Variants in DDAH1 observed in about 807,000 individuals in gnomAD.
DDAH1 encodes the protein dimethylarginine dimethylaminohydrolase 1, also known as N(G),N(G)-dimethylarginine dimethylaminohydrolase 1.
A neutral mutation model predicts 28.8 loss-of-function variants in DDAH1; 19 were observed. The ratio of observed to expected loss-of-function variants is 0.66; its 90% CI spans 0.46 to 0.97. The LOEUF is 0.97. DDAH1 is among the 50% of genes least tolerant of loss of function. The probability of loss-of-function intolerance (pLI) is 0.00; values close to 1 mark genes in which losing one functional copy is unlikely to be tolerated. For synonymous variants in DDAH1, 153 were observed against 154.4 expected (o/e 0.99, Z 0.07); for missense variants, 326 against 375.9 (o/e 0.87, Z 1.10).
chr1:85,505,800 T>C (rs1656993851), intron 1 of DDAH1, among the ~76,000 whole-genome samples: 1 of 152,226 alleles, frequency 6.6e-6, no homozygotes, highest in Non-Finnish European at 1.5e-5. Flanking sequence ...AATAGACAAA[T>C]GATCTCAAAA....
At chr1:85,365,865 A>G (rs1162590299) in intron 1 of DDAH1, among the ~76,000 whole-genome samples, 1 of 152,162 alleles carries the variant, frequency 6.6e-6, no homozygotes, top group Non-Finnish European at 1.5e-5. Context: ...GAAATTTTGC[A>G]GGTGTAAAGT....
chr1:85,520,508 A>G (rs1657646172), intron 1 of DDAH1, among the ~76,000 whole-genome samples: 1 of 152,252 alleles, frequency 6.6e-6, no homozygotes. Context: ...CAAAATATGT[A>G]CATGAAATGT....
At chr1:85,381,855 C>T (rs1475135179) in intron 1 of DDAH1, among the ~76,000 whole-genome samples, 1 of 152,130 alleles carries the variant, frequency 6.6e-6, no homozygotes, top group African/African-American at 2.4e-5. Flanking sequence ...TTCAAACTTA[C>T]TACGTCCACA....
chr1:85,368,489 T>C (rs759535651), intron 1 of DDAH1, among the ~76,000 whole-genome samples: 18 of 152,198 alleles, frequency 1.2e-4, no homozygotes, highest in South Asian at 4.1e-4. Context: ...TTTAGCTTTC[T>C]AAATGAAAAA....
chr1:85,437,816 G>A (rs1309654301), intron 1 of DDAH1, among the ~76,000 whole-genome samples: 4 of 152,088 alleles, frequency 2.6e-5, no homozygotes, highest in Non-Finnish European at 5.9e-5. Flanking sequence ...TTAATGTTAG[G>A]ACTTCTATTT....
intron 1 of DDAH1, among the ~76,000 whole-genome samples, chr1:85,362,227 T>A (rs1649834246): frequency 6.6e-6 from 1 of 151,998 alleles, no homozygotes; most frequent in Non-Finnish European, 1.5e-5. Context: ...TCCTGGAAGC[T>A]GTCAAGACAT....
At chr1:85,576,657 C>A (rs1659614365) in intron 1 of DDAH1, 1 of 152,378 alleles carries the variant, frequency 6.6e-6, no homozygotes, top group Admixed American at 6.5e-5. Context: ...CCGGACGCAC[C>A]CTCTACGTCT....
At chr1:85,527,616 G>A (rs1288718034) in intron 1 of DDAH1, among the ~76,000 whole-genome samples, 22 of 152,142 alleles carry the variant, frequency 1.4e-4, no homozygotes, top group African/African-American at 5.3e-4. Context: ...GCATCACACA[G>A]ACTGTCTACT....
At chr1:85,448,898 A>G (rs551678040) in intron 1 of DDAH1, among the ~76,000 whole-genome samples, 4 of 152,226 alleles carry the variant, frequency 2.6e-5, no homozygotes, top group Non-Finnish European at 5.9e-5. Context: ...TCCAAGAACA[A>G]GTTTGTTAAA....
At chr1:85,407,465 C>T (rs530908593) in intron 1 of DDAH1, among the ~76,000 whole-genome samples, 10 of 152,184 alleles carry the variant, frequency 6.6e-5, no homozygotes, top group Non-Finnish European at 1.5e-4. Flanking sequence ...GAAAGTTAAA[C>T]TTGCAGCTTT....
At chr1:85,377,717 C>T (rs1262830195) in intron 1 of DDAH1, among the ~76,000 whole-genome samples, 2 of 150,972 alleles carry the variant, frequency 1.3e-5, no homozygotes, top group African/African-American at 4.9e-5. Context: ...CTCATCCCCC[C>T]ACCCCCATAC....
intron 1 of DDAH1, among the ~76,000 whole-genome samples, chr1:85,512,677 A>G (rs1657289946): frequency 6.6e-6 from 1 of 152,222 alleles, no homozygotes; most frequent in African/African-American, 2.4e-5. Flanking sequence ...TCAATGTGCA[A>G]AAATCACAAG....
intron 1 of DDAH1, chr1:85,404,535 T>G (rs1021619125): frequency 4.4e-6 from 6 of 1,372,746 alleles, no homozygotes; most frequent in Non-Finnish European, 4.7e-6. Flanking sequence ...TAACACTAAC[T>G]GCAGCTCCAG....
In DDAH1 at chr1:85,456,827, A is replaced by G. The variant is rs1654902824; in HGVS notation, c.303+7916T>C. Among the ~76,000 whole-genome samples, 4 of 152,222 alleles carry G rather than the reference A, an allele frequency of 2.6e-5. No homozygotes were observed. In the South Asian group the frequency reaches 8.3e-4, roughly 32 times the overall value. On this transcript the variant is annotated intron_variant, in intron 1 of 5. Transcript: ENST00000284031. Reference sequence around the variant, plus strand: ...AGGGGGAAAACCCCCAGCAAAGAATATACTGATAACTTACAGGACCCCCCC... The same window carrying G: ...AGGGGGAAAACCCCCAGCAAAGAATGTACTGATAACTTACAGGACCCCCCC...
intron 2 of DDAH1, chr1:85,493,311 A>G (rs1317348922): frequency 6.6e-6 from 1 of 152,158 alleles, no homozygotes; most frequent in Non-Finnish European, 1.5e-5. Flanking sequence ...TGAATAAATG[A>G]CTTAAAGTTA....
intron 1 of DDAH1, chr1:85,400,065 T>C (rs1651994272): frequency 1.3e-5 from 2 of 152,278 alleles, no homozygotes; most frequent in East Asian, 1.9e-4. Flanking sequence ...TCCCAGCCAA[T>C]TGTTTAGCAA....
intron 1 of DDAH1, among the ~76,000 whole-genome samples, chr1:85,367,094 G>A (rs1650116276): frequency 6.6e-6 from 1 of 152,058 alleles, no homozygotes; most frequent in Non-Finnish European, 1.5e-5. Flanking sequence ...CAACCCTAGA[G>A]CCCTGGAGTT....
chr1:85,351,716 C>A (rs930860748), intron 2 of DDAH1, 137 bp from the exon 3 acceptor site: 15 of 622,674 alleles, frequency 2.4e-5, no homozygotes, highest in Non-Finnish European at 3.3e-5. Context: ...AAAGAGACTA[C>A]AAAAAATGAT....
chr1:85,572,358 G>A (rs916513633), intron 1 of DDAH1, among the ~76,000 whole-genome samples: 17 of 152,096 alleles, frequency 1.1e-4, no homozygotes, highest in Non-Finnish European at 2.2e-4. Flanking sequence ...TCAAGAAGTT[G>A]CAGGCAACTT....
Sources: gnomAD v4.1 joint callset for allele counts (sites outside exome capture counted in the v4.1 genomes callset) on GRCh38, gnomAD v4.1.1 for gene constraint, MANE v1.5 for transcripts, NCBI Gene and HGNC (gene_info 2026-07-23, HGNC 2026-07-21) for gene names.